The following SLC16A5 variants were observed in gnomAD, a reference collection of about 807,000 sequenced individuals.
SLC16A5 encodes the protein monocarboxylate transporter 6.
In SLC16A5, 29 loss-of-function variants were observed where a neutral mutation model predicts 33.2. The ratio of observed to expected loss-of-function variants is 0.87; its 90% CI spans 0.65 to 1.19. The LOEUF is 1.19. Among genes scored for constraint, SLC16A5 ranks in the 50% most tolerant of loss-of-function variants. The pLI, the probability that SLC16A5 is intolerant of heterozygous loss-of-function variation, is 0.00. For missense variants in SLC16A5, 606 were observed against 678.2 expected (o/e 0.89, Z 1.18); for synonymous variants, 248 against 284.1 (o/e 0.87, Z 1.28).
At chr17:75,093,472 A>G (rs2073670416) in intron 2 of SLC16A5, 117 bp from the exon 3 acceptor site, 2 of 1,536,030 alleles carry the variant, frequency 1.3e-6, no homozygotes, top group Admixed American at 2.0e-5. Context: ...CCCCTCTGTG[A>G]CACCTGGTAC....
intron 2 of SLC16A5, among the ~76,000 whole-genome samples, chr17:75,092,360 CTTTTTTT>C (rs150596125): frequency 4.3e-5 from 6 of 139,172 alleles, no homozygotes; most frequent in African/African-American, 1.3e-4. Context: ...AAGTGTGTGT[CTTTTTTT>C]TTTTTTTTGA....
At chr17:75,101,713 C>G (rs986491418) in intron 5 of SLC16A5, among the ~76,000 whole-genome samples, 9 of 151,962 alleles carry the variant, frequency 5.9e-5, no homozygotes, top group Non-Finnish European at 4.4e-5. Flanking sequence ...CAGCTCACTG[C>G]AGCCTCAACC....
At chr17:75,093,331 G>A (rs1301006030) in intron 2 of SLC16A5, 18 of 1,392,198 alleles carry the variant, frequency 1.3e-5, no homozygotes, top group East Asian at 7.5e-5. Context: ...GCCCTGCCCC[G>A]TCCTGTCCCT....
intron 2 of SLC16A5, among the ~76,000 whole-genome samples, chr17:75,092,822 CGTGTGTGTGT>C (rs10541835): frequency 2.2e-3 from 293 of 136,084 alleles, no homozygotes; most frequent in Middle Eastern, 7.2e-3. Context: ...TGTGCCACTG[CGTGTGTGTGT>C]GTGTGTGTGT....
rs965301213 is a variant in SLC16A5, at chr17:75,100,273, C to G, written c.610C>G (p.Pro204Ala). The G allele has an allele frequency of 6.2e-7, 1 of 1,614,202 alleles. No individual in the cohort carries two copies. The highest frequency in any genetic ancestry group is 8.5e-7 in the Non-Finnish European group (1 of 1,180,032). Residue 204 changes from proline (P) to alanine (A), a missense_variant, in exon 5 of 7, where the codon CCC becomes GCC. Transcript: ENST00000329783. ...TSVAPETKEC[P>A]PPPPETPALG... ...TGTGGCCCCTGAGACCAAAGAATGT[C>G]CCCCGCCACCTCCCGAGACACCTGC...
At chr17:75,099,099 G>A (rs1399330188) in intron 4 of SLC16A5, among the ~76,000 whole-genome samples, 1 of 152,258 alleles carries the variant, frequency 6.6e-6, no homozygotes. Context: ...AGTGGGTGGG[G>A]AGCGGGGAAG....
chr17:75,100,376 A>G lies in SLC16A5; in HGVS notation c.713A>G (p.Tyr238Cys), dbSNP rs756729895. ...GACATCCTGCGGCACAACACAGGCT[A>G]CTGCGTGTACATACTGGGTGTGATG... ...AFDILRHNTG[Y>C]CVYILGVMWS... The change falls in exon 5 of 7, where the codon TAC becomes TGC. Residue 238 changes from tyrosine (Y) to cysteine (C), a missense_variant. Physicochemically the swap from Tyr to Cys is radical, Grantham distance 194 (BLOSUM62 -2). Transcript: ENST00000329783. The G allele has an allele frequency of 6.2e-7, 1 of 1,614,186 alleles. No individual in the cohort carries two copies. Among genetic ancestry groups the G allele is most frequent in the African/African-American group, 1.3e-5 (1 of 75,046 alleles).
In SLC16A5 at chr17:75,098,064, C is replaced by A. The variant is rs371143070; in HGVS notation, c.226C>A (p.Arg76Ser). The change falls in exon 4 of 7, where the codon CGC becomes AGC. Residue 76 changes from arginine (R) to serine (S), a missense_variant. By Grantham distance (110) the Arg-to-Ser change is moderately radical (BLOSUM62 -1). Coordinates refer to ENST00000329783, the MANE Select transcript of SLC16A5 (RefSeq NM_004695.4). ...AGPLCSILVGRFGCRVTVMLG... is the reference protein window; with the variant it reads ...AGPLCSILVGSFGCRVTVMLG... ...GCCCCTGTGCAGCATCCTGGTGGGA[C>A]GCTTCGGCTGCCGAGTGACCGTGAT... The A allele has an allele frequency of 3.1e-6, 5 of 1,606,958 alleles. No homozygotes were observed. Among genetic ancestry groups the A allele is most frequent in the Non-Finnish European group, 4.2e-6 (5 of 1,177,452 alleles).
chr17:75,105,577 T>C (rs2073852738), intron 6 of SLC16A5: 1 of 985,230 alleles, frequency 1.0e-6, no homozygotes, highest in Non-Finnish European at 1.2e-6. Flanking sequence ...ATCTTGCTGG[T>C]GCCTTTCCCT....
intron 3 of SLC16A5, among the ~76,000 whole-genome samples, chr17:75,097,333 G>A (rs959159068): frequency 2.6e-5 from 4 of 152,052 alleles, no homozygotes; most frequent in African/African-American, 7.2e-5. Flanking sequence ...TATTTTTTTG[G>A]GGTGTGGATT....
downstream of SLC16A5, among the ~76,000 whole-genome samples, chr17:75,107,894 A>G (rs2073874490): frequency 6.6e-6 from 1 of 152,004 alleles, no homozygotes; most frequent in Non-Finnish European, 1.5e-5. Context: ...CTGAGATCGC[A>G]CCACTGCACT....
chr17:75,103,998 T>C lies in SLC16A5; in HGVS notation c.1182T>C (p.Phe394=), dbSNP rs780518699. The C allele has an allele frequency of 5.0e-6, 8 of 1,614,090 alleles. No individual in the cohort carries two copies. The highest frequency in any genetic ancestry group is 1.7e-5 in the Admixed American group (1 of 60,008). Reference sequence around the variant, plus strand: ...TGCTCCTGGACGCCACCAACAACTTTAGCTATGTTTTCTACATGTCCAGCT... The same window carrying C: ...TGCTCCTGGACGCCACCAACAACTTCAGCTATGTTTTCTACATGTCCAGCT... ...AGLLLDATNN[F]SYVFYMSSFF... is the part of the protein sequence containing the mutation. Residue 394 remains phenylalanine (F), a synonymous_variant, in exon 6 of 7, where the codon TTT becomes TTC. Coordinates refer to ENST00000329783, the MANE Select transcript of SLC16A5 (RefSeq NM_004695.4).
chr17:75,092,120 A>ATGTATGCATGTGTGACTCTGG (rs1568003723), intron 2 of SLC16A5, among the ~76,000 whole-genome samples: 5 of 151,666 alleles, frequency 3.3e-5, no homozygotes, highest in African/African-American at 9.7e-5. Context: ...TGTGACTCTG[A>ATGTATGCATGTGTGACTCTGG]GCATGTATGC....
intron 5 of SLC16A5, among the ~76,000 whole-genome samples, chr17:75,102,513 C>T (rs1171662262): frequency 1.3e-5 from 2 of 152,070 alleles, no homozygotes; most frequent in Non-Finnish European, 2.9e-5. Context: ...ATTTATGATG[C>T]GAGGGAAACC....
At chr17:75,089,913 A>T (rs2073615726) in intron 2 of SLC16A5, 1 of 152,064 alleles carries the variant, frequency 6.6e-6, no homozygotes, top group African/African-American at 2.4e-5. Context: ...TAGAACAAGG[A>T]GATCGATCTG....
chr17:75,098,211 A>T, intron 4 of SLC16A5, 30 bp downstream of exon 4: 1 of 1,610,466 alleles, frequency 6.2e-7, no homozygotes, highest in Non-Finnish European at 8.5e-7. Context: ...CAGAATTTAT[A>T]GGCACCTGCT....
downstream of SLC16A5, among the ~76,000 whole-genome samples, chr17:75,107,903 C>G (rs2073874525): frequency 6.6e-6 from 1 of 151,908 alleles, no homozygotes; most frequent in African/African-American, 2.4e-5. Flanking sequence ...CACCACTGCA[C>G]TCCAACCCGG....
chr17:75,098,732 CGAAG>C (rs1004948745), intron 4 of SLC16A5, among the ~76,000 whole-genome samples: 2 of 151,584 alleles, frequency 1.3e-5, no homozygotes, highest in African/African-American at 4.9e-5. Flanking sequence ...GGAGAAATAA[CGAAG>C]GAGAAGGATC....
In SLC16A5 at chr17:75,100,009, C is replaced by T. The variant is rs761716885; in HGVS notation, c.346C>T (p.Leu116=). 38 of 1,608,962 alleles carry T rather than the reference C, an allele frequency of 2.4e-5. No homozygotes were observed. Among genetic ancestry groups the T allele is most frequent in the Non-Finnish European group, 1.7e-6 (2 of 1,178,924 alleles). Reference sequence around the variant, plus strand: ...TGGTTTCCCCTCTTGCCCCGCAGGCCTGGGCATGTGCTTCAGCTTCCAGTC... The same window carrying T: ...TGGTTTCCCCTCTTGCCCCGCAGGCTTGGGCATGTGCTTCAGCTTCCAGTC... ...LYFTAGFITG[L]GMCFSFQSSI... Residue 116 remains leucine, a splice_region_variant and synonymous_variant, in exon 5 of 7, where the codon CTG becomes TTG. Transcript: ENST00000329783.
Sources: allele counts gnomAD v4.1 joint callset (sites outside exome capture counted in the v4.1 genomes callset), GRCh38; gene constraint gnomAD v4.1.1; transcripts MANE v1.5; gene names NCBI Gene and HGNC (gene_info 2026-07-23, HGNC 2026-07-21).